The following PTPRD variants were observed in gnomAD, a reference collection of about 807,000 sequenced individuals.
PTPRD encodes the protein protein tyrosine phosphatase receptor type D.
A neutral mutation model predicts 214.5 loss-of-function variants in PTPRD; 34 were observed. That is an observed-to-expected ratio of 0.16 (90% CI 0.12 to 0.21). The LOEUF (loss-of-function observed/expected upper bound fraction) is 0.21. PTPRD is among the 10% of genes least tolerant of loss of function. The pLI is 1.00. For synonymous variants in PTPRD, 1,128 were observed against 845.7 expected (o/e 1.33, Z -5.79); for missense variants, 2,545 against 2,398.7 (o/e 1.06, Z -1.27).
intron 3 of PTPRD, among the ~76,000 whole-genome samples, chr9:10,190,861 T>G (rs918457823): frequency 6.6e-6 from 1 of 151,930 alleles, no homozygotes; most frequent in African/African-American, 2.4e-5. Flanking sequence ...ACACAGGGTA[T>G]GGGGTTTACC....
At chr9:9,069,589 G>A (rs1265406406) in intron 10 of PTPRD, among the ~76,000 whole-genome samples, 1 of 152,138 alleles carries the variant, frequency 6.6e-6, no homozygotes. Context: ...GCCTTGTATT[G>A]AGGCCTTCAA....
intron 7 of PTPRD, among the ~76,000 whole-genome samples, chr9:9,584,804 A>T (rs1371467782): frequency 6.6e-6 from 1 of 151,920 alleles, no homozygotes; most frequent in Admixed American, 6.6e-5. Context: ...TGTAATGTCA[A>T]GGCTTATCTC....
chr9:8,656,480 A>C (rs1337564780), intron 12 of PTPRD, among the ~76,000 whole-genome samples: 1 of 152,138 alleles, frequency 6.6e-6, no homozygotes, highest in Non-Finnish European at 1.5e-5. Flanking sequence ...AAGTAGATTT[A>C]CCTTGACCTT....
chr9:10,045,516 A>G (rs2097372070), intron 3 of PTPRD, among the ~76,000 whole-genome samples: 1 of 151,730 alleles, frequency 6.6e-6, no homozygotes, highest in African/African-American at 2.4e-5. Context: ...CATCTAAACA[A>G]TAAGATATTT....
At chr9:9,813,796 T>C (rs538395107) in intron 5 of PTPRD, among the ~76,000 whole-genome samples, 13 of 152,216 alleles carry the variant, frequency 8.5e-5, no homozygotes, top group African/African-American at 3.1e-4. Context: ...CAAACCCAGA[T>C]AAAGATGCGA....
chr9:9,664,985 C>A (rs2096689430), intron 7 of PTPRD, among the ~76,000 whole-genome samples: 1 of 151,588 alleles, frequency 6.6e-6, no homozygotes, highest in African/African-American at 2.4e-5. Context: ...TATTTGATTA[C>A]CAGCCTTCAT....
At chr9:10,089,436 T>A (rs2098403475) in intron 3 of PTPRD, among the ~76,000 whole-genome samples, 1 of 151,600 alleles carries the variant, frequency 6.6e-6, no homozygotes, top group South Asian at 2.1e-4. Context: ...TCTGACACAG[T>A]AATGGCTATC....
intron 2 of PTPRD, among the ~76,000 whole-genome samples, chr9:10,472,500 C>A (rs1427927491): frequency 6.7e-6 from 1 of 150,130 alleles, no homozygotes; most frequent in Non-Finnish European, 1.5e-5. Context: ...TAGTTGGGGA[C>A]TGGCGGAAAC....
intron 32 of PTPRD, among the ~76,000 whole-genome samples, chr9:8,464,685 C>T (rs913816286): frequency 6.7e-6 from 1 of 148,910 alleles, no homozygotes; most frequent in Non-Finnish European, 1.5e-5. Context: ...CTTCAAAATT[C>T]ACCCCCTGCC....
intron 2 of PTPRD, among the ~76,000 whole-genome samples, chr9:10,391,818 T>C (rs948055555): frequency 2.0e-5 from 3 of 151,866 alleles, no homozygotes. Context: ...AGATCCTTAC[T>C]GTGAACTTAC....
At chr9:8,754,169 G>A (rs753505171) in intron 11 of PTPRD, among the ~76,000 whole-genome samples, 12 of 152,068 alleles carry the variant, frequency 7.9e-5, no homozygotes, top group South Asian at 2.1e-4. Context: ...TTCTTATAAC[G>A]ATGTCAATCT....
chr9:10,257,680 T>A (rs1564831769), intron 3 of PTPRD, among the ~76,000 whole-genome samples: 1 of 152,176 alleles, frequency 6.6e-6, no homozygotes, highest in Admixed American at 6.5e-5. Context: ...TGACCCCACC[T>A]GGACCAGTCA....
At chr9:10,050,045 G>C (rs1363249557) in intron 3 of PTPRD, among the ~76,000 whole-genome samples, 1 of 152,104 alleles carries the variant, frequency 6.6e-6, no homozygotes, top group Non-Finnish European at 1.5e-5. Flanking sequence ...TCATCTGTTA[G>C]TGCCATTCCC....
intron 3 of PTPRD, among the ~76,000 whole-genome samples, chr9:10,085,138 T>C (rs1335586724): frequency 6.6e-6 from 1 of 151,950 alleles, no homozygotes; most frequent in Non-Finnish European, 1.5e-5. Context: ...TATTTCTATT[T>C]GTGTAAGTAA....
chr9:10,534,337 G>C (rs1040341256), intron 2 of PTPRD, among the ~76,000 whole-genome samples: 1 of 151,650 alleles, frequency 6.6e-6, no homozygotes. Flanking sequence ...GGTTTTGTAT[G>C]GAAGAAAACA....
At position 8,376,032 on chromosome 9, in the gene PTPRD, T is replaced by C; in HGVS notation, c.4565A>G (p.His1522Arg). 1.2e-6 allele frequency: 2 copies of C among 1,613,016 alleles called. No individual in the cohort carries two copies. Among genetic ancestry groups the C allele is most frequent in the African/African-American group, 1.3e-5 (1 of 74,934 alleles). The change falls in exon 39 of 46, where the codon CAT (histidine) becomes CGT (arginine). Residue 1522 changes from histidine (H) to arginine (R), a missense_variant. By Grantham distance (29) the His-to-Arg change is conservative. Coordinates refer to ENST00000381196, the MANE Select transcript of PTPRD (RefSeq NM_002839.4). ...RQFQFTAWPD[H>R]GVPEHPTPFL... ...AGGTGTAGGGTGTTCTGGAACACCA[T>C]GATCAGGCCAGGCGGTGAACTGGAA...
intron 11 of PTPRD, among the ~76,000 whole-genome samples, chr9:8,926,215 T>C (rs2098890486): frequency 6.6e-6 from 1 of 152,112 alleles, no homozygotes. Context: ...TTTTATCAAC[T>C]CAGCTTCTAC....
At chr9:9,314,453 C>G (rs1360774397) in intron 9 of PTPRD, among the ~76,000 whole-genome samples, 1 of 152,016 alleles carries the variant, frequency 6.6e-6, no homozygotes, top group Non-Finnish European at 1.5e-5. Flanking sequence ...TCAAAGAATG[C>G]AGGTGATTTT....
chr9:9,104,910 T>G (rs2099796384), intron 10 of PTPRD, among the ~76,000 whole-genome samples: 1 of 152,104 alleles, frequency 6.6e-6, no homozygotes, highest in South Asian at 2.1e-4. Context: ...TCCAGTGTGA[T>G]AAGTGTGAGA....
Sources: allele counts gnomAD v4.1 joint callset (sites outside exome capture counted in the v4.1 genomes callset), GRCh38; gene constraint gnomAD v4.1.1; transcripts MANE v1.5; gene names NCBI Gene and HGNC (gene_info 2026-07-23, HGNC 2026-07-21).